The following NEDD9 variants were observed in gnomAD, a reference collection of about 807,000 sequenced individuals.
NEDD9 encodes the protein enhancer of filamentation 1.
A neutral mutation model predicts 76.6 loss-of-function variants in NEDD9; 26 were observed. That is an observed-to-expected ratio of 0.34 (90% confidence interval 0.25 to 0.47). The LOEUF (loss-of-function observed/expected upper bound fraction) is 0.47. Among genes scored for constraint, NEDD9 ranks in the 20% least tolerant of loss-of-function variants. NEDD9 has a pLI of 1.00. For missense variants in NEDD9, 937 were observed against 1,058.5 expected, an observed-to-expected ratio of 0.89 and a Z score of 1.59; for synonymous variants, 392 against 414.2, an observed-to-expected ratio of 0.95 and a Z score of 0.65.
At chr6:11,345,621 G>T (rs1762350434) in intron 1 of NEDD9, among the ~76,000 whole-genome samples, 1 of 152,124 alleles carries the variant, frequency 6.6e-6, no homozygotes, top group African/African-American at 2.4e-5. Flanking sequence ...CATACAAGAT[G>T]GGAACTGCTC....
chr6:11,302,433 AG>A, intron 3 of NEDD9, among the ~76,000 whole-genome samples: 1 of 152,242 alleles, frequency 6.6e-6, no homozygotes, highest in Non-Finnish European at 1.5e-5. Context: ...ATTCTACCAG[AG>A]GTACAAAGAG....
At chr6:11,240,933 A>G (rs1759697069) in intron 3 of NEDD9, among the ~76,000 whole-genome samples, 1 of 152,248 alleles carries the variant, frequency 6.6e-6, no homozygotes, top group African/African-American at 2.4e-5. Flanking sequence ...GGAGTTTAAT[A>G]GTAAAATTGT....
chr6:11,283,693 A>G (rs1391720582), intron 3 of NEDD9, among the ~76,000 whole-genome samples: 3 of 152,110 alleles, frequency 2.0e-5, no homozygotes, highest in African/African-American at 7.2e-5. Flanking sequence ...TTCTCTTTCT[A>G]TTACTTTAAT....
At chr6:11,351,153 C>T (rs1582043800) in intron 1 of NEDD9, among the ~76,000 whole-genome samples, 2 of 151,790 alleles carry the variant, frequency 1.3e-5, no homozygotes, top group Non-Finnish European at 2.9e-5. Context: ...ACAGCATGTG[C>T]GAGGGACATG....
chr6:11,366,270 A>AGAAGGAAGGAAG (rs753253031), intron 1 of NEDD9, among the ~76,000 whole-genome samples: 8 of 132,410 alleles, frequency 6.0e-5, no homozygotes, highest in African/African-American at 2.0e-4. Context: ...AGTCTGAGAA[A>AGAAGGAAGGAAG]GAAGGAAGGA....
chr6:11,375,260 GT>G (rs1401981600), intron 1 of NEDD9, among the ~76,000 whole-genome samples: 6 of 152,162 alleles, frequency 3.9e-5, no homozygotes, highest in Admixed American at 1.3e-4. Context: ...GAAATATCAT[GT>G]TGACCCTAGA....
At chr6:11,353,348 G>A (rs954618732) in intron 1 of NEDD9, among the ~76,000 whole-genome samples, 2 of 152,192 alleles carry the variant, frequency 1.3e-5, no homozygotes, top group Non-Finnish European at 2.9e-5. Context: ...TATGACTGCT[G>A]TTTTTGTAAA....
intron 1 of NEDD9, among the ~76,000 whole-genome samples, chr6:11,346,001 T>C (rs78535263): frequency 1.7e-3 from 260 of 152,352 alleles, no homozygotes; most frequent in Non-Finnish European, 2.7e-3. Flanking sequence ...AGGACCTCCC[T>C]ATCTAAGGCA....
intron 3 of NEDD9, among the ~76,000 whole-genome samples, chr6:11,285,809 T>A (rs115479522): frequency 0.017 from 2,642 of 152,262 alleles, 72 homozygotes; most frequent in African/African-American, 0.059. Context: ...ATATCAGTAT[T>A]CAAAATAGTG....
At chr6:11,188,814 C>T (rs1758046694) in intron 5 of NEDD9, among the ~76,000 whole-genome samples, 1 of 152,204 alleles carries the variant, frequency 6.6e-6, no homozygotes, top group Admixed American at 6.5e-5. Flanking sequence ...TTCTCCTTGC[C>T]ACACTTTCTT....
intron 3 of NEDD9, among the ~76,000 whole-genome samples, chr6:11,239,180 A>T (rs1730137326): frequency 6.6e-6 from 1 of 151,802 alleles, no homozygotes; most frequent in Admixed American, 6.6e-5. Context: ...AAAAATAAAA[A>T]TAAAAAAAAT....
upstream of NEDD9, among the ~76,000 whole-genome samples, chr6:11,236,409 G>A (rs1165658916): frequency 6.6e-6 from 1 of 152,174 alleles, no homozygotes; most frequent in Non-Finnish European, 1.5e-5. This position sits in a 1 kb window ranked among gnomAD's most constrained non-coding sequence, Gnocchi z 5.5. Flanking sequence ...CTGGGCACTG[G>A]CATAAATACA....
At chr6:11,289,545 C>T (rs903980347) in intron 3 of NEDD9, among the ~76,000 whole-genome samples, 4 of 152,266 alleles carry the variant, frequency 2.6e-5, no homozygotes, top group East Asian at 3.9e-4. Flanking sequence ...CCCCACCTCC[C>T]GGGTTCACGC....
Position 11,370,877 on chromosome 6 carries a change from A to G in NEDD9, c.-214+11262T>C, listed in dbSNP as rs889766913. ...CGGGTGGTGTTGAGGACAGGTGACA[A>G]CGGGGAGGGTGACAGAGGTGACCCC... On this transcript the variant is annotated intron_variant, in intron 1 of 3. Transcript: ENST00000397378. This position sits in a 1 kb window ranked among gnomAD's most constrained non-coding sequence, Gnocchi z 4.2. Among the ~76,000 whole-genome samples the G allele has an allele frequency of 6.6e-6, 1 of 152,100 alleles. No individual in the cohort carries two copies. Among genetic ancestry groups the G allele is most frequent in the Non-Finnish European group, 1.5e-5 (1 of 67,998 alleles).
At chr6:11,311,827 T>C (rs1170129789) in intron 2 of NEDD9, among the ~76,000 whole-genome samples, 1 of 152,142 alleles carries the variant, frequency 6.6e-6, no homozygotes, top group East Asian at 1.9e-4. Flanking sequence ...TGGTGCTTGC[T>C]TTCTCTCCCT....
At chr6:11,337,897 C>A (rs1762196111) in intron 1 of NEDD9, among the ~76,000 whole-genome samples, 1 of 152,184 alleles carries the variant, frequency 6.6e-6, no homozygotes, top group Non-Finnish European at 1.5e-5. Context: ...GGTTTTCAAT[C>A]ATACCAGCGT....
intron 3 of NEDD9, chr6:11,249,319 A>G (rs539838542): frequency 2.6e-6 from 1 of 388,720 alleles, no homozygotes; most frequent in South Asian, 1.9e-5. Context: ...TTTTCTTCTT[A>G]TTTGTTAGAA....
intron 3 of NEDD9, among the ~76,000 whole-genome samples, chr6:11,283,168 A>T (rs1282358849): frequency 6.6e-6 from 1 of 152,198 alleles, no homozygotes; most frequent in East Asian, 1.9e-4. Context: ...CAGAAAGAAC[A>T]TCCTTAAATA....
At chr6:11,367,205 G>GA (rs1379259724) in intron 1 of NEDD9, among the ~76,000 whole-genome samples, 4 of 152,222 alleles carry the variant, frequency 2.6e-5, no homozygotes, top group Non-Finnish European at 5.9e-5. Context: ...ACAGTGGTCT[G>GA]AAAGTGCAGT....
Sources: allele counts gnomAD v4.1 joint callset (sites outside exome capture counted in the v4.1 genomes callset), GRCh38; gene constraint gnomAD v4.1.1; non-coding constraint Gnocchi (gnomAD v3.1); transcripts MANE v1.5; gene names NCBI Gene and HGNC (gene_info 2026-07-23, HGNC 2026-07-21).